The following NIPSNAP1 variants were observed in gnomAD, a reference collection of about 807,000 sequenced individuals.
NIPSNAP1 encodes protein NipSnap homolog 1.
In NIPSNAP1, 25 loss-of-function variants were observed where a neutral mutation model predicts 49.2. The ratio of observed to expected loss-of-function variants is 0.51; its 90% CI spans 0.37 to 0.71. The LOEUF is 0.71. Ranked by LOEUF, NIPSNAP1 falls within the 30% of genes least tolerant of loss-of-function variation. The probability of loss-of-function intolerance (pLI) is 0.00; values close to 1 mark genes in which losing one functional copy is unlikely to be tolerated. For missense variants in NIPSNAP1, 294 were observed against 361.0 expected (o/e 0.81, Z 1.50); for synonymous variants, 143 against 140.7 (o/e 1.02, Z -0.12).
chr22:29,556,361 C>T (rs2064294335), intron 9 of NIPSNAP1, among the ~76,000 whole-genome samples: 1 of 152,008 alleles, frequency 6.6e-6, no homozygotes, highest in Non-Finnish European at 1.5e-5. Flanking sequence ...CCTCTCTCTA[C>T]TAAAAATACA....
intron 4 of NIPSNAP1, among the ~76,000 whole-genome samples, chr22:29,565,025 A>AAAAC (rs985321427): frequency 6.6e-5 from 10 of 151,906 alleles, no homozygotes; most frequent in African/African-American, 1.2e-4. Flanking sequence ...TCATCTCTAC[A>AAAAC]AAACAAACAA....
At chr22:29,569,902 T>C (rs572234662) in intron 3 of NIPSNAP1, 1 of 483,960 alleles carries the variant, frequency 2.1e-6, no homozygotes, top group African/African-American at 2.0e-5. Context: ...AACAGGAGAA[T>C]CGCTTGTACC....
chr22:29,561,059 G>T (rs1052849170), intron 7 of NIPSNAP1, 112 bp downstream of exon 7: 2 of 1,089,302 alleles, frequency 1.8e-6, no homozygotes. Context: ...GGGGCAGAAG[G>T]TAAAGAGTTC....
In NIPSNAP1 at chr22:29,581,060, A is replaced by G; in HGVS notation, c.23T>C (p.Ile8Thr). Residue 8 changes from isoleucine (I) to threonine (T), a missense_variant, in exon 1 of 10, where the codon ATC becomes ACC. Coordinates refer to ENST00000216121, the MANE Select transcript of NIPSNAP1 (RefSeq NM_003634.4). MAPRLCS[I>T]SVTARRLLGG... ...CAGCAGCCGCCGCGCCGTCACAGAG[A>G]TGCTGCACAGCCGCGGAGCCATGTT... The G allele has an allele frequency of 1.3e-6, 2 of 1,541,412 alleles. No homozygotes were observed. The highest frequency in any genetic ancestry group is 1.4e-5 in the African/African-American group (1 of 72,864).
chr22:29,561,301 C>G, intron 6 of NIPSNAP1, 99 bp from the exon 7 acceptor site: 1 of 1,515,672 alleles, frequency 6.6e-7, no homozygotes. Flanking sequence ...CTCCCCACCT[C>G]CCAAGCTGCA....
At chr22:29,564,068 G>C (rs934381632) in intron 4 of NIPSNAP1, among the ~76,000 whole-genome samples, 1 of 152,214 alleles carries the variant, frequency 6.6e-6, no homozygotes, top group Non-Finnish European at 1.5e-5. Context: ...TAATTGTGGA[G>C]GAGAAGAAAG....
chr22:29,569,332 G>C, intron 3 of NIPSNAP1, 45 bp from the exon 4 acceptor site: 1 of 1,435,216 alleles, frequency 7.0e-7, no homozygotes, highest in Non-Finnish European at 9.8e-7. Flanking sequence ...ATAGCCACCA[G>C]GGCCTCTGAG....
At chr22:29,564,002 G>A (rs574813995) in intron 4 of NIPSNAP1, among the ~76,000 whole-genome samples, 4 of 152,268 alleles carry the variant, frequency 2.6e-5, no homozygotes, top group South Asian at 4.1e-4. Flanking sequence ...CCCAGTTTGC[G>A]GTATGCTGGC....
intron 1 of NIPSNAP1, chr22:29,580,097 A>T: frequency 7.7e-7 from 1 of 1,304,044 alleles, no homozygotes; most frequent in Non-Finnish European, 1.0e-6. Flanking sequence ...AGGTGGCCTC[A>T]CTTCTTTGGT....
intron 1 of NIPSNAP1, among the ~76,000 whole-genome samples, chr22:29,573,432 C>T (rs189624261): frequency 2.0e-5 from 3 of 152,052 alleles, no homozygotes; most frequent in African/African-American, 7.2e-5. Flanking sequence ...CCGAGGCAGG[C>T]GGATCACTTG....
At chr22:29,566,097 A>G (rs2064366451) in intron 4 of NIPSNAP1, among the ~76,000 whole-genome samples, 2 of 152,008 alleles carry the variant, frequency 1.3e-5, no homozygotes, top group African/African-American at 4.8e-5. Flanking sequence ...TATATGAGTG[A>G]GCATTTGAAA....
chr22:29,555,854 C>G lies in NIPSNAP1; in HGVS notation c.*81G>C, dbSNP rs2064290087. 7.4e-7 allele frequency: 1 copy of G among 1,344,374 alleles called. No homozygotes were observed. Among genetic ancestry groups the G allele is most frequent in the Non-Finnish European group, 1.0e-6 (1 of 958,202 alleles). 83.3% of individuals were successfully genotyped at this position (1,344,374 alleles called of 1,614,324 possible). A position where few individuals can be genotyped will look rare whatever the true frequency, so the allele number is the denominator to read the frequency against. The stretch of plus-strand genomic sequence containing the variant: ...AGTCCTCCCAGAGCCAAGACAAAAC[C>G]AAGACAGCAGGACCAGGAGTGCCAC... On this transcript the variant is annotated 3_prime_UTR_variant, in exon 10 of 10. Transcript: ENST00000216121.
At chr22:29,580,060 C>T (rs1249059382) in intron 1 of NIPSNAP1, 1 of 1,301,702 alleles carries the variant, frequency 7.7e-7, no homozygotes, top group African/African-American at 1.5e-5. Context: ...TGGTTGCTTC[C>T]TTTTCACAGG....
chr22:29,560,878 G>T (rs971129590), intron 7 of NIPSNAP1, 50 bp from the exon 8 acceptor site: 2 of 1,539,818 alleles, frequency 1.3e-6, no homozygotes, highest in Non-Finnish European at 1.8e-6. Flanking sequence ...GGTGCAGAGG[G>T]TACTGAGGCT....
At chr22:29,574,289 A>AAAGAAAAAG (rs2064434434) in intron 1 of NIPSNAP1, among the ~76,000 whole-genome samples, 15 of 125,300 alleles carry the variant, frequency 1.2e-4, no homozygotes, top group Admixed American at 1.7e-4. Flanking sequence ...AAAAAAAAAA[A>AAAGAAAAAG]AAAGAAAGAA....
chr22:29,574,093 T>C (rs1462744632), intron 1 of NIPSNAP1, among the ~76,000 whole-genome samples: 3 of 149,626 alleles, frequency 2.0e-5, no homozygotes, highest in African/African-American at 7.4e-5. Flanking sequence ...CCATTTCCAC[T>C]TAAAAAAAGA....
At chr22:29,577,604 G>C (rs1440325888) in intron 1 of NIPSNAP1, among the ~76,000 whole-genome samples, 2 of 151,166 alleles carry the variant, frequency 1.3e-5, no homozygotes, top group Non-Finnish European at 2.9e-5. Context: ...ATTTTTAGTA[G>C]AGACAGGGTT....
chr22:29,568,631 A>T (rs1226808199), intron 4 of NIPSNAP1, among the ~76,000 whole-genome samples: 1 of 152,172 alleles, frequency 6.6e-6, no homozygotes, highest in Admixed American at 6.6e-5. Context: ...CGTCTCTACT[A>T]AAAATACAAA....
At chr22:29,566,995 G>A (rs1008267392) in intron 4 of NIPSNAP1, among the ~76,000 whole-genome samples, 4 of 152,018 alleles carry the variant, frequency 2.6e-5, no homozygotes, top group Admixed American at 1.3e-4. Context: ...GGTGGCACAC[G>A]CCTGTAACCT....
Sources: gnomAD v4.1 joint callset for allele counts (sites outside exome capture counted in the v4.1 genomes callset) on GRCh38, gnomAD v4.1.1 for gene constraint, MANE v1.5 for transcripts, NCBI Gene and HGNC (gene_info 2026-07-23, HGNC 2026-07-21) for gene names.